IGF1R: variants seen among roughly 807,000 people sequenced by gnomAD.
IGF1R encodes the protein insulin-like growth factor 1 receptor.
A neutral mutation model predicts 144.6 loss-of-function variants in IGF1R; 44 were observed. The observed-to-expected ratio is 0.30, with a 90% CI of 0.24 to 0.39. IGF1R has a LOEUF of 0.39. Ranked by LOEUF, IGF1R falls within the 10% of genes least tolerant of loss-of-function variation. The probability of loss-of-function intolerance (pLI) is 1.00; values close to 1 mark genes in which losing one functional copy is unlikely to be tolerated. For synonymous variants in IGF1R, 795 were observed against 722.8 expected, an observed-to-expected ratio of 1.10 and a Z score of -1.60; for missense variants, 1,355 against 1,833.7, an observed-to-expected ratio of 0.74 and a Z score of 4.77.
Position 98,957,273 on chromosome 15 carries a change from C to A in IGF1R, c.3935C>A (p.Ser1312Tyr), listed in dbSNP as rs746673171. The A allele has an allele frequency of 6.2e-7, 1 of 1,613,914 alleles. No homozygotes were observed. The highest frequency in any genetic ancestry group is 8.5e-7 in the Non-Finnish European group (1 of 1,179,994). ...SVPLDPSASS[S>Y]SLPLPDRHSG... Reference sequence around the variant, plus strand: ...CCCCTGGACCCCTCGGCCTCCTCGTCCTCCCTGCCACTGCCCGACAGACAC... The same window carrying A: ...CCCCTGGACCCCTCGGCCTCCTCGTACTCCCTGCCACTGCCCGACAGACAC... Residue 1312 changes from serine to tyrosine, a missense_variant, in exon 21 of 21, where the codon TCC (serine) becomes TAC (tyrosine). Physicochemically the swap from Ser to Tyr is moderately radical, Grantham distance 144 (BLOSUM62 -2). Transcript: ENST00000650285.
chr15:98,856,721 C>G (rs999422106), intron 2 of IGF1R, among the ~76,000 whole-genome samples: 1 of 152,240 alleles, frequency 6.6e-6, no homozygotes, highest in African/African-American at 2.4e-5. Context: ...TCTTAAGTTT[C>G]ATTCAATCAT....
intron 3 of IGF1R, among the ~76,000 whole-genome samples, chr15:98,896,220 T>G (rs906152748): frequency 6.6e-6 from 1 of 152,248 alleles, no homozygotes; most frequent in Admixed American, 6.5e-5. Context: ...AATGGATCTG[T>G]GCTATACCAC....
chr15:98,892,527 C>CAAAAAAAA (rs368474118), intron 3 of IGF1R, among the ~76,000 whole-genome samples: 1 of 75,586 alleles, frequency 1.3e-5, no homozygotes, highest in African/African-American at 5.0e-5. Flanking sequence ...ACTCTGTCTC[C>CAAAAAAAA]AAAAAAAAAA....
At chr15:98,900,722 C>T (rs2014439355) in intron 5 of IGF1R, 1 of 152,166 alleles carries the variant, frequency 6.6e-6, no homozygotes, top group African/African-American at 2.4e-5. Flanking sequence ...CCCCAGACTC[C>T]TCAGTCACTT....
Position 98,930,248 on chromosome 15 carries a change from C to G in IGF1R, c.2899C>G (p.Leu967Val). 1 of 1,613,096 alleles carries G rather than the reference C, an allele frequency of 6.2e-7. No homozygotes were observed. The highest frequency in any genetic ancestry group is 8.5e-7 in the Non-Finnish European group (1 of 1,179,304). ...VFHRKRNNSRLGNGVLYASVN... is the reference protein window; with the variant it reads ...VFHRKRNNSRVGNGVLYASVN... ...TCTTTTTGACAGAAATAACAGCAGG[C>G]TGGGGAATGGAGTGCTGTATGCCTC... is the stretch of plus-strand genomic sequence containing the variant. Residue 967 changes from leucine to valine, a missense_variant, in exon 15 of 21, where the codon CTG becomes GTG. Around this residue, in one of 7 missense-constraint regions of IGF1R, gnomAD observed 880 missense variants for 1,202.7 expected, o/e 0.73. Transcript: ENST00000650285.
At chr15:98,921,761 A>G (rs983388423) in intron 10 of IGF1R, among the ~76,000 whole-genome samples, 1 of 152,094 alleles carries the variant, frequency 6.6e-6, no homozygotes, top group African/African-American at 2.4e-5. Context: ...TGCCCTAATA[A>G]ATCTTAACCA....
chr15:98,904,920 T>C (rs896770536), intron 5 of IGF1R, among the ~76,000 whole-genome samples: 1 of 152,202 alleles, frequency 6.6e-6, no homozygotes, highest in Non-Finnish European at 1.5e-5. Flanking sequence ...TGCACTTTTG[T>C]GGGGTGATTA....
intron 1 of IGF1R, among the ~76,000 whole-genome samples, chr15:98,676,239 C>A (rs892642315): frequency 4.6e-5 from 7 of 152,060 alleles, no homozygotes; most frequent in Non-Finnish European, 8.8e-5. Flanking sequence ...CTCCCGGGTT[C>A]AAGCAATTCT....
intron 20 of IGF1R, 69 bp from the exon 21 acceptor site, chr15:98,956,992 G>A (rs527352366): frequency 3.2e-5 from 49 of 1,546,876 alleles, no homozygotes; most frequent in Admixed American, 1.3e-4. Flanking sequence ...CACTGCAGGC[G>A]GCCCATGAAG....
At chr15:98,759,556 T>G (rs1055254706) in intron 2 of IGF1R, among the ~76,000 whole-genome samples, 2 of 152,254 alleles carry the variant, frequency 1.3e-5, no homozygotes, top group Admixed American at 6.5e-5. Context: ...AATAGCTTCA[T>G]GTCCTTGCAA....
In IGF1R at chr15:98,934,793, G is replaced by T. The variant is rs536376757; in HGVS notation, c.2957-31G>T. On this transcript the variant is annotated intron_variant, in intron 15 of 20. Transcript: ENST00000650285. ...ACGTTCTGTCTAAGGGCTTGTTTCT[G>T]TACCTGCTTTAATTACGGTTTCTTC... 12 of 1,589,422 alleles carry T rather than the reference G, an allele frequency of 7.5e-6. 1 individual carries two copies. The South Asian group carries it at 1.1e-4, about 15-fold the overall frequency.
intron 2 of IGF1R, among the ~76,000 whole-genome samples, chr15:98,726,014 G>A (rs1264066017): frequency 6.6e-6 from 1 of 152,160 alleles, no homozygotes; most frequent in African/African-American, 2.4e-5. Flanking sequence ...AGATTTGGGC[G>A]GGGACACAGC....
At chr15:98,832,240 A>G (rs1010323445) in intron 2 of IGF1R, among the ~76,000 whole-genome samples, 3 of 152,178 alleles carry the variant, frequency 2.0e-5, no homozygotes, top group African/African-American at 7.2e-5. Context: ...GAGGGCAGGA[A>G]TTATGTCTTA....
At chr15:98,865,773 G>A (rs1281381460) in intron 2 of IGF1R, among the ~76,000 whole-genome samples, 3 of 152,230 alleles carry the variant, frequency 2.0e-5, no homozygotes, top group African/African-American at 4.8e-5. Flanking sequence ...ATGCTGCCTC[G>A]CTGGGAAGTG....
intron 2 of IGF1R, among the ~76,000 whole-genome samples, chr15:98,734,084 G>A (rs541322986): frequency 6.6e-6 from 1 of 152,136 alleles, no homozygotes; most frequent in Non-Finnish European, 1.5e-5. Context: ...AAAAGAGCGC[G>A]CATCGTATAA....
Position 98,891,232 on chromosome 15 carries a change from G to A in IGF1R, c.641-93G>A, listed in dbSNP as rs192284660. The A allele has an allele frequency of 2.9e-5, 33 of 1,120,118 alleles. No individual in the cohort carries two copies. In the Admixed American group the frequency reaches 5.4e-4, roughly 18 times the overall value. The allele number at this position is 1,120,118 out of a possible 1,614,324, so 69.4% of individuals were successfully genotyped here. A position where few individuals can be genotyped will look rare whatever the true frequency, so the allele number is the denominator to read the frequency against. On this transcript the variant is annotated intron_variant, in intron 2 of 20. Coordinates refer to ENST00000650285, the MANE Select transcript of IGF1R (RefSeq NM_000875.5). The surrounding 1 kb of genome is among the most constrained non-coding windows in gnomAD (Gnocchi z 4.7). ...AATGAGTGATCTGGTGCTGGTGGTA[G>A]CAGTGAATGACCCAGAAGGATGCTG...
At chr15:98,949,379 CT>C (rs5814914) in intron 20 of IGF1R, among the ~76,000 whole-genome samples, 2,469 of 135,268 alleles carry the variant, frequency 0.018, 24 homozygotes, top group Middle Eastern at 0.095. Context: ...TCTCACTGCA[CT>C]TTTTTTTTTT....
At chr15:98,761,957 A>G (rs1237647392) in intron 2 of IGF1R, among the ~76,000 whole-genome samples, 1 of 152,226 alleles carries the variant, frequency 6.6e-6, no homozygotes, top group Non-Finnish European at 1.5e-5. Context: ...CAGACAAATC[A>G]TACATCTTAA....
At position 98,959,993 on chromosome 15, in the gene IGF1R, G is replaced by GGT. The variant is rs1006697509; in HGVS notation, c.*2563_*2564dup. On this transcript the variant is annotated 3_prime_UTR_variant, in exon 21 of 21. Coordinates refer to ENST00000650285, the MANE Select transcript of IGF1R (RefSeq NM_000875.5). Reference sequence around the variant, plus strand: ...AGGGTGTGTGTGTGTGTATGTGTGGGGTGTGTGTGTGTGAGAGTGATGGGA... The same window carrying GGT: ...AGGGTGTGTGTGTGTGTATGTGTGGGGTGTGTGTGTGTGTGAGAGTGATGGGA... 2.5e-4 allele frequency: 57 copies of GGT among 230,644 alleles called. No homozygotes were observed. The highest frequency in any genetic ancestry group is 3.7e-4 in the Non-Finnish European group (43 of 116,496). 14.3% of individuals were successfully genotyped at this position (230,644 alleles called of 1,614,324 possible). A position where few individuals can be genotyped will look rare whatever the true frequency, so the allele number is the denominator to read the frequency against.
Sources: gnomAD v4.1 joint callset for allele counts (sites outside exome capture counted in the v4.1 genomes callset) on GRCh38, gnomAD v4.1.1 for gene constraint, gnomAD v4.1.1 regional missense constraint, Gnocchi (gnomAD v3.1) non-coding constraint, MANE v1.5 for transcripts, NCBI Gene and HGNC (gene_info 2026-07-23, HGNC 2026-07-21) for gene names.